OPCML: variants seen among roughly 807,000 people sequenced by gnomAD.
OPCML encodes opioid-binding protein/cell adhesion molecule.
Under a neutral mutation model 37.8 loss-of-function variants are expected in OPCML, and 13 were observed. The ratio of observed to expected loss-of-function variants is 0.34; its 90% CI spans 0.22 to 0.55. OPCML has a LOEUF of 0.55. OPCML is among the 20% of genes least tolerant of loss of function. The probability of loss-of-function intolerance (pLI) is 0.91; values close to 1 mark genes in which losing one functional copy is unlikely to be tolerated. For synonymous variants in OPCML, 176 were observed against 168.8 expected (o/e 1.04, Z -0.33); for missense variants, 341 against 435.6 (o/e 0.78, Z 1.93).
At chr11:133,075,095 T>C (rs10750528) in intron 1 of OPCML, among the ~76,000 whole-genome samples, 95,730 of 152,028 alleles carry the variant, frequency 0.63, 32,508 homozygotes, top group African/African-American at 0.89. Context: ...CCTGTCAGCG[T>C]AGCTGCATTT....
intron 1 of OPCML, among the ~76,000 whole-genome samples, chr11:133,072,978 C>T (rs922009455): frequency 2.0e-5 from 3 of 152,248 alleles, no homozygotes; most frequent in African/African-American, 4.8e-5. Flanking sequence ...GAGAAAGGGA[C>T]GGTGAAACCT....
intron 1 of OPCML, among the ~76,000 whole-genome samples, chr11:133,415,956 C>A (rs763812277): frequency 6.6e-6 from 1 of 152,142 alleles, no homozygotes; most frequent in African/African-American, 2.4e-5. Context: ...TGAATCCTGG[C>A]AACACTTGAA....
At chr11:132,897,565 C>T (rs540775667) in intron 2 of OPCML, among the ~76,000 whole-genome samples, 13 of 152,266 alleles carry the variant, frequency 8.5e-5, no homozygotes, top group South Asian at 6.2e-4. Context: ...CATGATCAGC[C>T]GACAGAGGAA....
chr11:132,847,870 A>G (rs1358810104), intron 2 of OPCML, among the ~76,000 whole-genome samples: 1 of 152,182 alleles, frequency 6.6e-6, no homozygotes, highest in Non-Finnish European at 1.5e-5. Context: ...TTTGTACATA[A>G]GCACCAGATG....
At chr11:133,020,500 A>G (rs1372313244) in intron 1 of OPCML, among the ~76,000 whole-genome samples, 1 of 152,172 alleles carries the variant, frequency 6.6e-6, no homozygotes, top group Non-Finnish European at 1.5e-5. Context: ...CACTGAGAGG[A>G]GCAGAGGGCC....
intron 1 of OPCML, among the ~76,000 whole-genome samples, chr11:133,238,457 T>C (rs923441404): frequency 9.2e-5 from 14 of 152,248 alleles, no homozygotes; most frequent in African/African-American, 3.4e-4. Context: ...CTTAAATAAA[T>C]TATTCAAACT....
chr11:132,586,113 A>G (rs2096472026), intron 3 of OPCML, among the ~76,000 whole-genome samples: 2 of 152,114 alleles, frequency 1.3e-5, no homozygotes, highest in Admixed American at 1.3e-4. Flanking sequence ...TTCAGTTCCC[A>G]AATGTACAAT....
At chr11:133,278,635 G>A (rs1942058237) in intron 1 of OPCML, among the ~76,000 whole-genome samples, 1 of 151,940 alleles carries the variant, frequency 6.6e-6, no homozygotes, top group South Asian at 2.1e-4. Flanking sequence ...AGATGTGTGA[G>A]TTTCATACTG....
intron 1 of OPCML, among the ~76,000 whole-genome samples, chr11:133,073,786 A>G (rs1326221507): frequency 6.6e-6 from 1 of 152,218 alleles, no homozygotes; most frequent in African/African-American, 2.4e-5. Flanking sequence ...AATAGTTACT[A>G]TTTATTGACC....
In OPCML at chr11:132,420,016, CA is replaced by C; in HGVS notation, c.*176del. ...ACCCTGCCCACCCCGCCCCCAACCC[CA>C]CTCATTCAAGCTGGAAATAAAAGCA... is the stretch of plus-strand genomic sequence containing the variant. On this transcript the variant is annotated 3_prime_UTR_variant, in exon 8 of 8. Coordinates refer to ENST00000524381, the MANE Select transcript of OPCML (RefSeq NM_001012393.5). 2 of 493,572 alleles carry C rather than the reference CA, an allele frequency of 4.1e-6. No individual in the cohort carries two copies. Among genetic ancestry groups the C allele is most frequent in the Non-Finnish European group, 3.7e-6 (1 of 272,664 alleles). 30.6% of individuals were successfully genotyped at this position (493,572 alleles called of 1,614,324 possible).
intron 1 of OPCML, chr11:133,118,177 G>A (rs979716066): frequency 1.1e-6 from 1 of 935,624 alleles, no homozygotes; most frequent in Admixed American, 6.2e-5. Flanking sequence ...AAGTGGTAGT[G>A]CAGTGCCTGT....
intron 2 of OPCML, among the ~76,000 whole-genome samples, chr11:132,725,302 A>G (rs1944836923): frequency 6.6e-6 from 1 of 152,204 alleles, no homozygotes; most frequent in African/African-American, 2.4e-5. Context: ...AGTCTCTGAA[A>G]TCACAGCCCA....
At chr11:132,897,791 G>T (rs138262289) in intron 2 of OPCML, among the ~76,000 whole-genome samples, 1 of 152,318 alleles carries the variant, frequency 6.6e-6, no homozygotes, top group African/African-American at 2.4e-5. Context: ...TGATTCACAG[G>T]CTGGATGGTC....
At position 133,472,048 on chromosome 11, in the gene OPCML, A is replaced by AGGAAAAT. The variant is rs1442339930; in HGVS notation, c.61+60209_61+60215dup. On this transcript the variant is annotated intron_variant, in intron 1 of 7. Transcript: ENST00000524381. ...ACCCCACCTATTGGCTGACTTTTGG[A>AGGAAAAT]GGAAAATGGAAGTGAGAATGAAAAG... Among the ~76,000 whole-genome samples the AGGAAAAT allele has an allele frequency of 2.0e-5, 3 of 152,174 alleles. No homozygotes were observed. The East Asian group carries it at 5.8e-4, about 29-fold the overall frequency.
chr11:132,766,085 C>T (rs1039786603), intron 2 of OPCML, among the ~76,000 whole-genome samples: 3 of 136,374 alleles, frequency 2.2e-5, no homozygotes, highest in East Asian at 2.4e-4. Context: ...TGTCATGGTC[C>T]CATGCTTATA....
intron 1 of OPCML, among the ~76,000 whole-genome samples, chr11:133,077,964 AT>A (rs1172156908): frequency 3.9e-5 from 6 of 152,220 alleles, no homozygotes; most frequent in Non-Finnish European, 7.3e-5. Flanking sequence ...TACAGAAAAT[AT>A]GAGAAACCTT....
intron 1 of OPCML, chr11:133,066,361 T>TGC (rs1441444964): frequency 6.6e-6 from 1 of 152,240 alleles, no homozygotes; most frequent in Non-Finnish European, 1.5e-5. Flanking sequence ...CCAGTCTCAC[T>TGC]GCGCCCTCTC....
At chr11:133,081,058 A>T (rs1449827373) in intron 1 of OPCML, among the ~76,000 whole-genome samples, 1 of 152,220 alleles carries the variant, frequency 6.6e-6, no homozygotes, top group East Asian at 1.9e-4. Context: ...TGGAAGTGTT[A>T]GAATTGGAAG....
intron 2 of OPCML, among the ~76,000 whole-genome samples, chr11:132,927,467 T>C (rs984076586): frequency 6.6e-6 from 1 of 152,076 alleles, no homozygotes; most frequent in Non-Finnish European, 1.5e-5. Context: ...AATAAATCCA[T>C]ATCCAGCAAA....
Sources: gnomAD v4.1 joint callset for allele counts (sites outside exome capture counted in the v4.1 genomes callset) on GRCh38, gnomAD v4.1.1 for gene constraint, MANE v1.5 for transcripts, NCBI Gene and HGNC (gene_info 2026-07-23, HGNC 2026-07-21) for gene names.